The following COA1 variants were observed in gnomAD, a reference collection of about 807,000 sequenced individuals.
COA1 encodes the protein cytochrome c oxidase assembly factor 1 homolog.
COA1 carries 13 observed loss-of-function variants against 16.0 expected under a neutral mutation model. The ratio of observed to expected loss-of-function variants is 0.81; its 90% CI spans 0.53 to 1.29. The LOEUF (loss-of-function observed/expected upper bound fraction) is 1.29. Ranked by LOEUF, COA1 falls within the 50% of genes most tolerant of loss-of-function variation. The probability of loss-of-function intolerance (pLI) is 0.00; values close to 1 mark genes in which losing one functional copy is unlikely to be tolerated. For synonymous variants in COA1, 65 were observed against 65.7 expected (o/e 0.99, Z 0.05); for missense variants, 179 against 177.0 (o/e 1.01, Z -0.06).
intron 6 of COA1, among the ~76,000 whole-genome samples, chr7:43,620,269 C>A (rs2083741508): frequency 6.6e-6 from 1 of 152,178 alleles, no homozygotes; most frequent in Non-Finnish European, 1.5e-5. Context: ...CTATTACTTT[C>A]TTTGATAGAC....
intron 6 of COA1, chr7:43,624,038 T>G: frequency 1.8e-6 from 1 of 557,622 alleles, no homozygotes; most frequent in Non-Finnish European, 2.8e-6. Flanking sequence ...AATGTTGACA[T>G]AAATCTAGGT....
intron 1 of COA1, among the ~76,000 whole-genome samples, chr7:43,697,196 T>C (rs2094557888): frequency 6.6e-6 from 1 of 152,152 alleles, no homozygotes; most frequent in African/African-American, 2.4e-5. Flanking sequence ...CTGATATCAG[T>C]AAATGATAGG....
chr7:43,674,379 A>G (rs2093414687), intron 1 of COA1, among the ~76,000 whole-genome samples: 2 of 152,372 alleles, frequency 1.3e-5, no homozygotes, highest in South Asian at 2.1e-4. Flanking sequence ...GCCTGCAAGT[A>G]GAAACTGTGT....
rs1408072041 is a variant in COA1 at position 43,660,235 on chromosome 7, C to T, written c.-38-11583G>A. ...ATGAATCTAGGTCTACTAAAATAATCCCCACATCTCTATCTCCAGGCCAGG... is the reference window on the plus strand; with the variant it reads ...ATGAATCTAGGTCTACTAAAATAATTCCCACATCTCTATCTCCAGGCCAGG... On this transcript the variant is annotated intron_variant, in intron 1 of 5. Transcript: ENST00000223336. 3.3e-5 allele frequency among the ~76,000 whole-genome samples: 5 copies of T among 152,236 alleles called. No homozygotes were observed. The East Asian group carries it at 7.7e-4, about 23-fold the overall frequency.
At chr7:43,700,498 G>A (rs760593285) in intron 1 of COA1, among the ~76,000 whole-genome samples, 4 of 149,556 alleles carry the variant, frequency 2.7e-5, no homozygotes, top group African/African-American at 4.9e-5. Context: ...TGACAAAGAT[G>A]CCCTAATCAG....
At chr7:43,645,705 G>A (rs936142304) in intron 3 of COA1, 4 of 237,990 alleles carry the variant, frequency 1.7e-5, no homozygotes, top group South Asian at 1.6e-4. Flanking sequence ...TAAGAGGTTT[G>A]GTCAGCTCTT....
chr7:43,686,580 C>T (rs899998109), intron 1 of COA1, among the ~76,000 whole-genome samples: 40 of 152,146 alleles, frequency 2.6e-4, no homozygotes, highest in African/African-American at 8.7e-4. Flanking sequence ...AGGCGTGAGC[C>T]ACCGCGCCCG....
rs755827781 is a variant in COA1, at chr7:43,715,006, TAAAAAAAAA to T, written c.-39+14414_-39+14422del. 5.2e-5 allele frequency among the ~76,000 whole-genome samples: 5 copies of T among 95,786 alleles called. 1 individual carries two copies. The South Asian group carries it at 1.2e-3, about 24-fold the overall frequency. The allele number at this position is 95,786 out of a possible 152,430, so 62.8% of individuals were successfully genotyped here. ...TGGGCAAAAGAGTGAGCCTCTTGTC[TAAAAAAAAA>T]AAAAAAAAAAAAAAAAAGGAAACAT... On this transcript the variant is annotated intron_variant, in intron 1 of 5. Transcript: ENST00000223336.
intron 1 of COA1, among the ~76,000 whole-genome samples, chr7:43,693,349 C>G (rs916510221): frequency 3.9e-5 from 6 of 152,152 alleles, no homozygotes; most frequent in African/African-American, 1.4e-4. Context: ...CTATGACACT[C>G]TCTCCAACAT....
chr7:43,680,864 G>A (rs1382420080), intron 1 of COA1, among the ~76,000 whole-genome samples: 2 of 151,920 alleles, frequency 1.3e-5, no homozygotes, highest in Admixed American at 6.6e-5. Context: ...GCAGCTACTC[G>A]GGAGGCTGAG....
intron 1 of COA1, among the ~76,000 whole-genome samples, chr7:43,694,662 C>T (rs1238130278): frequency 2.6e-5 from 4 of 152,198 alleles, no homozygotes; most frequent in African/African-American, 9.7e-5. Flanking sequence ...GCCTTATCCT[C>T]CCAACTCTAA....
At chr7:43,610,068 C>T (rs530950541) in intron 6 of COA1, among the ~76,000 whole-genome samples, 12 of 152,262 alleles carry the variant, frequency 7.9e-5, no homozygotes, top group Admixed American at 3.9e-4. Flanking sequence ...TGGCCAGGGC[C>T]GGGCGCGGTG....
intron 6 of COA1, chr7:43,623,692 TTTTC>T (rs781246956): frequency 4.4e-6 from 7 of 1,601,108 alleles, no homozygotes; most frequent in Non-Finnish European, 6.0e-6. Context: ...TTTTCTTGCA[TTTTC>T]TTTCTAATTT....
At chr7:43,615,573 T>C (rs956298346) in intron 6 of COA1, among the ~76,000 whole-genome samples, 28 of 152,190 alleles carry the variant, frequency 1.8e-4, no homozygotes, top group African/African-American at 5.6e-4. Flanking sequence ...AGGTGTTTTT[T>C]TCGTGAAGAA....
intron 1 of COA1, among the ~76,000 whole-genome samples, chr7:43,709,579 T>C (rs1306686691): frequency 6.6e-6 from 1 of 152,148 alleles, no homozygotes; most frequent in African/African-American, 2.4e-5. Flanking sequence ...ATCTACATAT[T>C]CACATGTCTA....
At position 43,657,756 on chromosome 7, in the gene COA1, C is replaced by T. The variant is rs1484180142; in HGVS notation, c.-38-9104G>A. Among the ~76,000 whole-genome samples, 3 of 151,738 alleles carry T rather than the reference C, an allele frequency of 2.0e-5. No homozygotes were observed. The East Asian group carries it at 5.8e-4, about 29-fold the overall frequency. ...ACTGGGAGAAAATATTTACTAAAGA[C>T]ATCTGATAAAAGAATTGTTACCCAA... is the stretch of plus-strand genomic sequence containing the variant. On this transcript the variant is annotated intron_variant, in intron 1 of 5. Transcript: ENST00000223336.
chr7:43,719,579 T>C (rs772792075), intron 1 of COA1, among the ~76,000 whole-genome samples: 2 of 152,140 alleles, frequency 1.3e-5, no homozygotes, highest in Non-Finnish European at 2.9e-5. Context: ...AGTTCTAAAT[T>C]TCCTTTTCTA....
At position 43,724,555 on chromosome 7, in the gene COA1, A is replaced by G. The variant is rs79492418; in HGVS notation, c.-39+4874T>C. Among the ~76,000 whole-genome samples, 318 of 117,764 alleles carry G rather than the reference A, an allele frequency of 2.7e-3. 3 individuals carry two copies. The East Asian group carries it at 0.037, about 14-fold the overall frequency. 77.3% of individuals were successfully genotyped at this position (117,764 alleles called of 152,430 possible). A position where few individuals can be genotyped will look rare whatever the true frequency, so the allele number is the denominator to read the frequency against. Reference sequence around the variant, plus strand: ...GACAGAGCAAGACTCCATCTCAAAGAAAAAAAAAAAAAGAATTGAAAGCAG... The same window carrying G: ...GACAGAGCAAGACTCCATCTCAAAGGAAAAAAAAAAAAGAATTGAAAGCAG... On this transcript the variant is annotated intron_variant, in intron 1 of 5. Transcript: ENST00000223336.
chr7:43,681,087 TG>T (rs2093748935), intron 1 of COA1, among the ~76,000 whole-genome samples: 2 of 152,218 alleles, frequency 1.3e-5, no homozygotes, highest in Non-Finnish European at 2.9e-5. Context: ...GGCACTTCTC[TG>T]TCTTCAGTAT....
Sources: gnomAD v4.1 joint callset for allele counts (sites outside exome capture counted in the v4.1 genomes callset) on GRCh38, gnomAD v4.1.1 for gene constraint, MANE v1.5 for transcripts, NCBI Gene and HGNC (gene_info 2026-07-23, HGNC 2026-07-21) for gene names.